The following RBFOX3 variants were observed in gnomAD, a reference collection of about 807,000 sequenced individuals.
RBFOX3 encodes the protein RNA binding fox-1 homolog 3.
Under a neutral mutation model 48.7 loss-of-function variants are expected in RBFOX3, and 17 were observed. The ratio of observed to expected loss-of-function variants is 0.35; its 90% CI spans 0.24 to 0.52. The LOEUF is 0.52. RBFOX3 is among the 20% of genes least tolerant of loss of function. The pLI is 0.94. For missense variants in RBFOX3, 382 were observed against 497.5 expected, an observed-to-expected ratio of 0.77 and a Z score of 2.21; for synonymous variants, 212 against 209.5, an observed-to-expected ratio of 1.01 and a Z score of -0.10.
chr17:79,255,775 T>G (rs1385339296), intron 3 of RBFOX3, among the ~76,000 whole-genome samples: 7 of 151,794 alleles, frequency 4.6e-5, no homozygotes, highest in Admixed American at 3.9e-4. Flanking sequence ...TCCTCCTCCA[T>G]GGCTGCAATT....
chr17:79,353,639 C>T (rs2084385699), intron 2 of RBFOX3, among the ~76,000 whole-genome samples: 1 of 152,214 alleles, frequency 6.6e-6, no homozygotes, highest in Non-Finnish European at 1.5e-5. Context: ...AAGGAAAAGC[C>T]ACGTGATTCT....
intron 2 of RBFOX3, among the ~76,000 whole-genome samples, chr17:79,463,184 G>GCCATCA (rs1189282881): frequency 3.0e-5 from 4 of 133,398 alleles, no homozygotes; most frequent in East Asian, 2.3e-4. Context: ...CACCGCCATC[G>GCCATCA]CCACTGCCAC....
rs979594850 is a variant in RBFOX3, at chr17:79,381,075, C to T, written c.-174-73251G>A. Among the ~76,000 whole-genome samples, 11 of 152,260 alleles carry T rather than the reference C, an allele frequency of 7.2e-5. No individual in the cohort carries two copies. The South Asian group carries it at 1.5e-3, about 20-fold the overall frequency. On this transcript the variant is annotated intron_variant, in intron 2 of 14. Transcript: ENST00000693108. ...AGGAGATCAAGACCATCCTAACTAA[C>T]ACGGTGAAACCCCGTTTCTACTGAA... is the stretch of plus-strand genomic sequence containing the variant.
chr17:79,181,962 AACACACACACACACACACAC>A (rs56842759), intron 4 of RBFOX3, among the ~76,000 whole-genome samples: 7 of 148,298 alleles, frequency 4.7e-5, no homozygotes, highest in Non-Finnish European at 7.5e-5. Context: ...GTCTCCAAGA[AACACACACACACACACACAC>A]ACACACACAC....
chr17:79,285,150 C>T (rs375613833), intron 3 of RBFOX3, among the ~76,000 whole-genome samples: 37 of 152,306 alleles, frequency 2.4e-4, no homozygotes, highest in Non-Finnish European at 2.6e-4. Flanking sequence ...CCTTCTACGA[C>T]GCAGGCACAT....
chr17:79,531,431 C>T (rs982945696), intron 1 of RBFOX3, among the ~76,000 whole-genome samples: 2 of 152,326 alleles, frequency 1.3e-5, no homozygotes, highest in South Asian at 2.1e-4. Context: ...CTTCACTTTT[C>T]GGCAGCCAGT....
At chr17:79,494,027 T>G (rs1186266627) in intron 1 of RBFOX3, among the ~76,000 whole-genome samples, 1 of 152,112 alleles carries the variant, frequency 6.6e-6, no homozygotes, top group Non-Finnish European at 1.5e-5. Flanking sequence ...TCCCAGCTAC[T>G]TAGGAGGCTG....
At chr17:79,116,151 A>T (rs185167385) in intron 4 of RBFOX3, among the ~76,000 whole-genome samples, 390 of 152,354 alleles carry the variant, frequency 2.6e-3, no homozygotes, top group Non-Finnish European at 4.4e-3. Context: ...GGTAACATCC[A>T]TAAAACCACC....
At chr17:79,168,860 G>A (rs1463473823) in intron 4 of RBFOX3, among the ~76,000 whole-genome samples, 3 of 150,146 alleles carry the variant, frequency 2.0e-5, no homozygotes, top group Non-Finnish European at 3.0e-5. Context: ...CCTGGCCCTG[G>A]GTCATGAAGG....
intron 3 of RBFOX3, among the ~76,000 whole-genome samples, chr17:79,250,923 C>T (rs1295277246): frequency 1.3e-5 from 2 of 151,956 alleles, no homozygotes; most frequent in Admixed American, 6.6e-5. Flanking sequence ...ATTCTCCTAC[C>T]TCAGCCTCCT....
chr17:79,322,516 A>C (rs1018523962), intron 2 of RBFOX3, among the ~76,000 whole-genome samples: 11 of 152,138 alleles, frequency 7.2e-5, no homozygotes, highest in Non-Finnish European at 1.5e-4. Context: ...TAGATTGCAG[A>C]GCTGAGGACC....
intron 1 of RBFOX3, among the ~76,000 whole-genome samples, chr17:79,515,667 C>T (rs1226973722): frequency 6.6e-6 from 1 of 152,154 alleles, no homozygotes; most frequent in East Asian, 1.9e-4. Flanking sequence ...TCCCACATTG[C>T]CCCTAAGTAC....
chr17:79,137,314 C>T (rs2040449704), intron 4 of RBFOX3, among the ~76,000 whole-genome samples: 1 of 152,192 alleles, frequency 6.6e-6, no homozygotes, highest in Non-Finnish European at 1.5e-5. Flanking sequence ...TACACACACA[C>T]ACATTCCCAG....
At chr17:79,135,612 C>T (rs1336764029) in intron 4 of RBFOX3, among the ~76,000 whole-genome samples, 1 of 152,138 alleles carries the variant, frequency 6.6e-6, no homozygotes, top group Non-Finnish European at 1.5e-5. Context: ...GTGGGGGCAT[C>T]GGGGGAGGGA....
chr17:79,472,357 C>T (rs1313579776), intron 2 of RBFOX3, among the ~76,000 whole-genome samples: 1 of 152,196 alleles, frequency 6.6e-6, no homozygotes, highest in Non-Finnish European at 1.5e-5. Flanking sequence ...TGGACTGAAT[C>T]ATGCCCTCTC....
At position 79,096,638 on chromosome 17, in the gene RBFOX3, CG is replaced by C. The variant is rs1568117609; in HGVS notation, c.936+14del. 6.6e-7 allele frequency: 1 copy of C among 1,523,358 alleles called. No homozygotes were observed. Among genetic ancestry groups the C allele is most frequent in the Admixed American group, 2.0e-5 (1 of 50,832 alleles). 94.4% of individuals were successfully genotyped at this position (1,523,358 alleles called of 1,614,324 possible). A position where few individuals can be genotyped will look rare whatever the true frequency, so the allele number is the denominator to read the frequency against. On this transcript the variant is annotated intron_variant, in intron 12 of 14. Transcript: ENST00000693108. ...CGCCTGATCCCACCCTCCCTCCCGG[CG>C]GGGCTACACTTACATAAATCTCAGC...
intron 4 of RBFOX3, among the ~76,000 whole-genome samples, chr17:79,146,858 C>A (rs951159162): frequency 6.6e-6 from 1 of 152,208 alleles, no homozygotes; most frequent in African/African-American, 2.4e-5. Flanking sequence ...GGGGCAGAGG[C>A]CTGAGGAGGG....
rs1439013219 is a variant in RBFOX3, at chr17:79,243,963, G to A, written c.-73-8158C>T. Among the ~76,000 whole-genome samples, 1 of 152,134 alleles carries A rather than the reference G, an allele frequency of 6.6e-6. No individual in the cohort carries two copies. Among genetic ancestry groups the A allele is most frequent in the Non-Finnish European group, 1.5e-5 (1 of 68,028 alleles). On this transcript the variant is annotated intron_variant, in intron 3 of 14. Transcript: ENST00000693108. The surrounding 1 kb of genome is among the most constrained non-coding windows in gnomAD (Gnocchi z 7.9). Reference sequence around the variant, plus strand: ...GCATCTCTGCCCTGGAGCATCTCCAGACAGGCAAGTTTCAGGGGCCAGAGC... The same window carrying A: ...GCATCTCTGCCCTGGAGCATCTCCAAACAGGCAAGTTTCAGGGGCCAGAGC...
intron 3 of RBFOX3, among the ~76,000 whole-genome samples, chr17:79,294,072 C>T (rs1018320945): frequency 6.6e-6 from 1 of 152,228 alleles, no homozygotes; most frequent in Non-Finnish European, 1.5e-5. Context: ...CAGATTCATA[C>T]TGCAGCCTAC....
Sources: allele counts gnomAD v4.1 joint callset (sites outside exome capture counted in the v4.1 genomes callset), GRCh38; gene constraint gnomAD v4.1.1; non-coding constraint Gnocchi (gnomAD v3.1); transcripts MANE v1.5; gene names NCBI Gene and HGNC (gene_info 2026-07-23, HGNC 2026-07-21).